Variants in N4BP2L2 observed in about 807,000 individuals in gnomAD.
The protein encoded by N4BP2L2 is NEDD4 binding protein 2 like 2.
Under a neutral mutation model 56.2 loss-of-function variants are expected in N4BP2L2, and 50 were observed. The ratio of observed to expected loss-of-function variants is 0.89; its 90% confidence interval spans 0.71 to 1.13. The LOEUF is 1.13. Ranked by LOEUF, N4BP2L2 falls within the 50% of genes most tolerant of loss-of-function variation. The pLI is 0.00. For missense variants in N4BP2L2, 689 were observed against 693.8 expected, an observed-to-expected ratio of 0.99 and a Z score of 0.08; for synonymous variants, 203 against 223.6, an observed-to-expected ratio of 0.91 and a Z score of 0.82.
At chr13:32,501,023 G>A (rs1043040847) in intron 6 of N4BP2L2, among the ~76,000 whole-genome samples, 5 of 151,936 alleles carry the variant, frequency 3.3e-5, no homozygotes, top group Non-Finnish European at 7.4e-5. Flanking sequence ...CATGCATCAC[G>A]ACGCCCAGCT....
At chr13:32,495,768 C>T (rs1054726000) in intron 6 of N4BP2L2, among the ~76,000 whole-genome samples, 2 of 152,140 alleles carry the variant, frequency 1.3e-5, no homozygotes, top group African/African-American at 4.8e-5. Flanking sequence ...ATTGCAACCT[C>T]CGCCTCCTGG....
chr13:32,528,317 GA>G (rs1253618113), intron 2 of N4BP2L2, among the ~76,000 whole-genome samples: 1 of 152,190 alleles, frequency 6.6e-6, no homozygotes, highest in Non-Finnish European at 1.5e-5. Context: ...ATCCTCTAGT[GA>G]AAGTCGGAAA....
intron 2 of N4BP2L2, among the ~76,000 whole-genome samples, chr13:32,531,937 T>C (rs1033927133): frequency 1.3e-5 from 2 of 152,218 alleles, no homozygotes; most frequent in African/African-American, 4.8e-5. Flanking sequence ...CCTGGGCTTA[T>C]GGGATGTTCC....
downstream of N4BP2L2, chr13:32,508,423 C>G (rs2091286956): frequency 6.6e-6 from 1 of 152,010 alleles, no homozygotes; most frequent in Non-Finnish European, 1.5e-5. Context: ...ATAAAATTTC[C>G]TGAGAAGGAA....
At chr13:32,454,760 T>A (rs1448460564) in intron 6 of N4BP2L2, among the ~76,000 whole-genome samples, 1 of 152,132 alleles carries the variant, frequency 6.6e-6, no homozygotes, top group Admixed American at 6.5e-5. Context: ...ACCTCCTCCA[T>A]AAAGAAGACT....
At chr13:32,447,785 G>C (rs2077269304) in intron 6 of N4BP2L2, among the ~76,000 whole-genome samples, 1 of 152,186 alleles carries the variant, frequency 6.6e-6, no homozygotes, top group Admixed American at 6.5e-5. Context: ...TAAGGACCCT[G>C]CTAATGTCTT....
chr13:32,473,532 ATCATACAAGTTTATTATCTTATAAT>A (rs1486200620), intron 6 of N4BP2L2, among the ~76,000 whole-genome samples: 2 of 152,214 alleles, frequency 1.3e-5, no homozygotes, highest in Non-Finnish European at 2.9e-5. Flanking sequence ...GTGGCTTAAA[ATCATACAAGTTTATTATCTTATAAT>A]TCTATAGGTC....
chr13:32,532,012 C>A (rs1317648649), intron 2 of N4BP2L2, among the ~76,000 whole-genome samples: 1 of 152,328 alleles, frequency 6.6e-6, no homozygotes, highest in South Asian at 2.1e-4. Context: ...CTTAACCCTT[C>A]TCTGACTAAT....
At chr13:32,503,811 C>T (rs1037803756) in intron 6 of N4BP2L2, among the ~76,000 whole-genome samples, 2 of 152,018 alleles carry the variant, frequency 1.3e-5, no homozygotes, top group Non-Finnish European at 2.9e-5. Context: ...TTCGGGGGAC[C>T]GAGGCAGGAG....
chr13:32,497,018 T>C (rs910855453), intron 6 of N4BP2L2, among the ~76,000 whole-genome samples: 1 of 152,220 alleles, frequency 6.6e-6, no homozygotes, highest in Non-Finnish European at 1.5e-5. Context: ...TGGTGTGAGA[T>C]GTTCATAAAA....
At chr13:32,442,902 T>A in exon 7 of N4BP2L2, 1 of 1,612,648 alleles carries the variant, frequency 6.2e-7, no homozygotes. Flanking sequence ...TAAGTTTTTG[T>A]TTATTCTCCT....
chr13:32,454,884 C>T (rs907052182), intron 6 of N4BP2L2, among the ~76,000 whole-genome samples: 1 of 152,188 alleles, frequency 6.6e-6, no homozygotes, highest in African/African-American at 2.4e-5. Context: ...GGAGGCAAGG[C>T]TACCAGCTCA....
At chr13:32,470,573 G>C (rs2082112834) in intron 6 of N4BP2L2, among the ~76,000 whole-genome samples, 1 of 152,148 alleles carries the variant, frequency 6.6e-6, no homozygotes, top group South Asian at 2.1e-4. Context: ...ACTATGGAAG[G>C]GAGCTGAGCT....
At chr13:32,527,482 T>A in exon 3 of N4BP2L2, 1 of 1,613,850 alleles carries the variant, frequency 6.2e-7, no homozygotes, top group South Asian at 1.1e-5. Context: ...ATGGTGAAAA[T>A]AGTCATCAGT....
exon 6 of N4BP2L2, chr13:32,517,290 G>A (rs2049447723): frequency 3.0e-6 from 3 of 987,176 alleles, no homozygotes; most frequent in East Asian, 1.1e-4. Flanking sequence ...GTGATGTGCT[G>A]ATTATAGCTA....
Position 32,488,957 on chromosome 13 carries a change from C to T in N4BP2L2, c.365+28900G>A, listed in dbSNP as rs140513955. On this transcript the variant is annotated intron_variant, in intron 6 of 9. Transcript: ENST00000357505. ...TCATGGTGGCACACACCTGCAATCT[C>T]AGCTACTCAGGAGATGGACGCAGGA... Among the ~76,000 whole-genome samples, 359 of 152,308 alleles carry T rather than the reference C, an allele frequency of 2.4e-3. 1 individual carries two copies. The highest frequency in any genetic ancestry group is 6.8e-3 in the Middle Eastern group (2 of 294).
intron 6 of N4BP2L2, among the ~76,000 whole-genome samples, chr13:32,458,213 C>T (rs903636082): frequency 7.2e-5 from 11 of 152,102 alleles, no homozygotes; most frequent in Admixed American, 1.3e-4. Flanking sequence ...TACAGGCACC[C>T]GCCACCACAC....
intron 6 of N4BP2L2, chr13:32,505,137 T>C (rs1336588740): frequency 6.6e-6 from 1 of 152,300 alleles, no homozygotes; most frequent in Non-Finnish European, 1.5e-5. Flanking sequence ...CCCCTTTGCC[T>C]TCTCAATCAT....
chr13:32,440,373 G>A (rs1281448137), intron 7 of N4BP2L2, among the ~76,000 whole-genome samples: 2 of 152,144 alleles, frequency 1.3e-5, no homozygotes, highest in African/African-American at 4.8e-5. Context: ...CTGTCCCCAA[G>A]GAACAGCACT....
Sources: allele counts gnomAD v4.1 joint callset (sites outside exome capture counted in the v4.1 genomes callset), GRCh38; gene constraint gnomAD v4.1.1; transcripts MANE v1.5; gene names NCBI Gene and HGNC (gene_info 2026-07-23, HGNC 2026-07-21).